SENP1: variants seen among roughly 807,000 people sequenced by gnomAD.
The protein encoded by SENP1 is SUMO specific peptidase 1.
A neutral mutation model predicts 93.0 loss-of-function variants in SENP1; 21 were observed. The ratio of observed to expected loss-of-function variants is 0.23; its 90% CI spans 0.16 to 0.33. The LOEUF (loss-of-function observed/expected upper bound fraction) is 0.33. Among genes scored for constraint, SENP1 ranks in the 10% least tolerant of loss-of-function variants. The pLI is 1.00. For synonymous variants in SENP1, 256 were observed against 259.6 expected (o/e 0.99, Z 0.13); for missense variants, 591 against 758.7 (o/e 0.78, Z 2.60).
At chr12:48,046,892 G>T in intron 16 of SENP1, 86 bp downstream of exon 16, 1 of 843,592 alleles carries the variant, frequency 1.2e-6, no homozygotes, top group Non-Finnish European at 2.0e-6. Flanking sequence ...ACGAACACAG[G>T]TGGTCCCTGG....
At chr12:48,092,690 C>G (rs1185574874) in intron 4 of SENP1, among the ~76,000 whole-genome samples, 2 of 151,948 alleles carry the variant, frequency 1.3e-5, no homozygotes, top group African/African-American at 4.8e-5. Context: ...TTATTTTCTT[C>G]TCCAAAAAAA....
intron 9 of SENP1, among the ~76,000 whole-genome samples, chr12:48,068,972 G>A (rs569993904): frequency 2.6e-5 from 4 of 151,776 alleles, no homozygotes; most frequent in Non-Finnish European, 5.9e-5. Flanking sequence ...GGCCAACATG[G>A]TGAAACCCAA....
intron 13 of SENP1, among the ~76,000 whole-genome samples, chr12:48,054,325 CCTT>C (rs1446483976): frequency 6.6e-6 from 1 of 152,148 alleles, no homozygotes; most frequent in Non-Finnish European, 1.5e-5. Context: ...GGTTGCTAAG[CCTT>C]CTTGATGAAC....
At chr12:48,087,454 G>T (rs578244122) in intron 5 of SENP1, among the ~76,000 whole-genome samples, 85 of 152,178 alleles carry the variant, frequency 5.6e-4, no homozygotes, top group Middle Eastern at 3.4e-3. Flanking sequence ...GCTAAATGAT[G>T]CATATAGAAA....
At chr12:48,047,865 C>CA in intron 15 of SENP1, 136 bp downstream of exon 15, 1 of 618,058 alleles carries the variant, frequency 1.6e-6, no homozygotes, top group Non-Finnish European at 2.9e-6. Context: ...TACTTAGATA[C>CA]AAAATATGCA....
chr12:48,052,677 C>G (rs1019866481), intron 13 of SENP1, among the ~76,000 whole-genome samples: 2 of 152,118 alleles, frequency 1.3e-5, no homozygotes, highest in African/African-American at 4.8e-5. Context: ...CATGCCAATT[C>G]AAGGAACAAA....
intron 13 of SENP1, among the ~76,000 whole-genome samples, chr12:48,050,469 A>C (rs1941714662): frequency 6.6e-6 from 1 of 152,212 alleles, no homozygotes; most frequent in South Asian, 2.1e-4. Context: ...GCTAGGACTG[A>C]AGAAAGACAC....
chr12:48,046,725 T>G (rs1375437297), intron 16 of SENP1, among the ~76,000 whole-genome samples: 1 of 152,070 alleles, frequency 6.6e-6, no homozygotes, highest in East Asian at 1.9e-4. Flanking sequence ...GGCCAAATAA[T>G]CAGCAAACAT....
At chr12:48,093,280 GTTTTTTTTT>G (rs374804144) in intron 4 of SENP1, among the ~76,000 whole-genome samples, 5 of 126,540 alleles carry the variant, frequency 4.0e-5, no homozygotes, top group South Asian at 2.5e-4. Flanking sequence ...TTCAGGTGAG[GTTTTTTTTT>G]TTTTTTTTTT....
chr12:48,056,185 T>C (rs1176481557), intron 13 of SENP1, among the ~76,000 whole-genome samples: 1 of 54,896 alleles, frequency 1.8e-5, no homozygotes, highest in Non-Finnish European at 3.1e-5. Flanking sequence ...ATATATATTA[T>C]TTAATATATA....
intron 13 of SENP1, among the ~76,000 whole-genome samples, chr12:48,061,755 A>G (rs1942974080): frequency 1.3e-5 from 2 of 152,168 alleles, no homozygotes; most frequent in Admixed American, 1.3e-4. Flanking sequence ...GATACCTAAT[A>G]ATACTCCATC....
chr12:48,058,297 CATT>C (rs752859568), intron 13 of SENP1, among the ~76,000 whole-genome samples: 12 of 152,094 alleles, frequency 7.9e-5, no homozygotes, highest in Non-Finnish European at 1.5e-4. Flanking sequence ...ATGTGGCTCA[CATT>C]ATATTTCTAT....
chr12:48,087,459 T>C (rs1017506096), intron 5 of SENP1, among the ~76,000 whole-genome samples: 4 of 152,202 alleles, frequency 2.6e-5, no homozygotes, highest in African/African-American at 7.2e-5. Flanking sequence ...ATGATGCATA[T>C]AGAAAATCTT....
At chr12:48,105,010 AG>A (rs1946382302) in intron 1 of SENP1, 1 of 167,772 alleles carries the variant, frequency 6.0e-6, no homozygotes, top group Admixed American at 5.8e-5. Flanking sequence ...TTTCAAAGTC[AG>A]GGTAATCTGT....
chr12:48,088,275 G>A (rs1005444020), intron 5 of SENP1, among the ~76,000 whole-genome samples: 2 of 152,080 alleles, frequency 1.3e-5, no homozygotes, highest in African/African-American at 4.8e-5. Flanking sequence ...GGCTAGTCTG[G>A]AACTCCTGAC....
chr12:48,065,999 G>A (rs1485447019), intron 10 of SENP1, among the ~76,000 whole-genome samples: 1 of 152,062 alleles, frequency 6.6e-6, no homozygotes, highest in Non-Finnish European at 1.5e-5. Context: ...CATTGCACCC[G>A]ACCTATTTTT....
At position 48,083,765 on chromosome 12, in the gene SENP1, A is replaced by T. The variant is rs1452441618; in HGVS notation, c.381-3T>A. The T allele has an allele frequency of 1.3e-6, 2 of 1,584,004 alleles. No individual in the cohort carries two copies. ...CCGCAAAACTGTTTGATAATCCACT[A>T]AAAAAAGAGTTTGTAAGAAAGATAA... On this transcript the variant is annotated splice_region_variant and splice_polypyrimidine_tract_variant and intron_variant, in intron 5 of 17. Coordinates refer to ENST00000549518, the MANE Select transcript of SENP1 (RefSeq NM_001267594.2).
intron 6 of SENP1, among the ~76,000 whole-genome samples, chr12:48,078,334 T>TATATATATATATATATACACACAC: frequency 1.5e-5 from 1 of 67,910 alleles, no homozygotes; most frequent in African/African-American, 4.9e-5. Flanking sequence ...TATATATATA[T>TATATATATATATATATACACACAC]ACACACACAT....
At chr12:48,079,324 T>G (rs563098061) in intron 6 of SENP1, among the ~76,000 whole-genome samples, 1 of 151,828 alleles carries the variant, frequency 6.6e-6, no homozygotes, top group South Asian at 2.1e-4. Context: ...ATGGTGAAAC[T>G]CCGTCTCTAC....
Sources: allele counts gnomAD v4.1 joint callset (sites outside exome capture counted in the v4.1 genomes callset), GRCh38; gene constraint gnomAD v4.1.1; transcripts MANE v1.5; gene names NCBI Gene and HGNC (gene_info 2026-07-23, HGNC 2026-07-21).